The following ATF7IP variants were observed in gnomAD, a reference collection of about 807,000 sequenced individuals.
The protein encoded by ATF7IP is activating transcription factor 7-interacting protein 1.
ATF7IP carries 23 observed loss-of-function variants against 106.4 expected under a neutral mutation model. The observed-to-expected ratio is 0.22, with a 90% CI of 0.16 to 0.31. ATF7IP has a LOEUF of 0.31. ATF7IP is among the 10% of genes least tolerant of loss of function. ATF7IP has a pLI of 1.00. For synonymous variants in ATF7IP, 542 were observed against 539.0 expected, an observed-to-expected ratio of 1.01 and a Z score of -0.08; for missense variants, 1,334 against 1,524.3, an observed-to-expected ratio of 0.88 and a Z score of 2.08.
At chr12:14,472,869 A>AC (rs1421064376) in intron 10 of ATF7IP, among the ~76,000 whole-genome samples, 5 of 152,162 alleles carry the variant, frequency 3.3e-5, no homozygotes, top group Admixed American at 2.0e-4. Context: ...AAAATGAAAT[A>AC]CCTGAGACTC....
intron 1 of ATF7IP, among the ~76,000 whole-genome samples, 179 bp downstream of exon 1, chr12:14,366,006 A>G (rs1016978019): frequency 6.6e-6 from 1 of 152,130 alleles, no homozygotes; most frequent in Non-Finnish European, 1.5e-5. Flanking sequence ...CTCTAGCTGC[A>G]GTTGTGCAGC....
intron 3 of ATF7IP, 152 bp downstream of exon 3, chr12:14,434,575 G>T: frequency 8.6e-6 from 5 of 578,040 alleles, no homozygotes; most frequent in Non-Finnish European, 1.5e-5. Context: ...GCTAACTGAA[G>T]GATTTCTGAA....
intron 13 of ATF7IP, among the ~76,000 whole-genome samples, chr12:14,494,329 A>ATATATATATG (rs1944934531): frequency 2.1e-5 from 2 of 93,036 alleles, no homozygotes; most frequent in Non-Finnish European, 4.1e-5. Flanking sequence ...ATATATATAT[A>ATATATATATG]TATATGTGTG....
At chr12:14,391,169 G>A (rs1458645690) in intron 1 of ATF7IP, among the ~76,000 whole-genome samples, 1 of 152,178 alleles carries the variant, frequency 6.6e-6, no homozygotes, top group Admixed American at 6.5e-5. Flanking sequence ...CTCTGTTGGT[G>A]ATATGTAACA....
rs963095580 is a variant in ATF7IP, at chr12:14,439,312, A to G, written c.1929+1045A>G. ...TTTGCAAATGAAGGAAAAGTGGCCC[A>G]TGGAAGTCAAATCACTTTTTCCGTT... On this transcript the variant is annotated intron_variant, in intron 5 of 14. Transcript: ENST00000261168. Among the ~76,000 whole-genome samples, 5 of 152,226 alleles carry G rather than the reference A, an allele frequency of 3.3e-5. No individual in the cohort carries two copies. The East Asian group carries it at 9.6e-4, about 29-fold the overall frequency.
chr12:14,442,820 A>G (rs989410121), intron 5 of ATF7IP, among the ~76,000 whole-genome samples: 1 of 152,206 alleles, frequency 6.6e-6, no homozygotes, highest in Non-Finnish European at 1.5e-5. Flanking sequence ...GAACGTTTTT[A>G]TGTTAACAAC....
intron 1 of ATF7IP, among the ~76,000 whole-genome samples, chr12:14,387,848 T>C (rs1266309256): frequency 6.6e-6 from 1 of 152,198 alleles, no homozygotes; most frequent in African/African-American, 2.4e-5. Context: ...TTCTCCCCTT[T>C]TGTTTACCCT....
chr12:14,460,413 A>G, intron 8 of ATF7IP, 82 bp from the exon 9 acceptor site: 1 of 1,357,790 alleles, frequency 7.4e-7, no homozygotes, highest in Non-Finnish European at 1.0e-6. Context: ...TACGCAATGT[A>G]TTTAATTTGT....
intron 1 of ATF7IP, among the ~76,000 whole-genome samples, chr12:14,401,972 A>T (rs546921647): frequency 6.6e-6 from 1 of 151,696 alleles, no homozygotes; most frequent in Non-Finnish European, 1.5e-5. Context: ...TCGGCCTCCA[A>T]AAGTGCTGGG....
At chr12:14,491,244 G>C (rs1016632010) in intron 13 of ATF7IP, among the ~76,000 whole-genome samples, 17 of 152,154 alleles carry the variant, frequency 1.1e-4, no homozygotes, top group African/African-American at 3.9e-4. Flanking sequence ...TGATAAATGG[G>C]CTGGAGTAAC....
chr12:14,482,665 T>C (rs979760663), intron 13 of ATF7IP: 1 of 152,162 alleles, frequency 6.6e-6, no homozygotes, highest in African/African-American at 2.4e-5. Context: ...GCCCACTGAC[T>C]CAAATGTTAA....
intron 5 of ATF7IP, among the ~76,000 whole-genome samples, chr12:14,445,521 G>A (rs1379744662): frequency 6.6e-6 from 1 of 152,056 alleles, no homozygotes; most frequent in East Asian, 1.9e-4. Flanking sequence ...AGTTATTTGA[G>A]ATATTTTAGT....
In ATF7IP at chr12:14,439,566, C is replaced by T. The variant is rs144505135; in HGVS notation, c.1929+1299C>T. ...AAGTTTTTGGCTGGGCATAGTGGCTCACGCCTGTGAGCTCAGCACTTTAGG... is the reference window on the plus strand; with the variant it reads ...AAGTTTTTGGCTGGGCATAGTGGCTTACGCCTGTGAGCTCAGCACTTTAGG... On this transcript the variant is annotated intron_variant, in intron 5 of 14. Transcript: ENST00000261168. 2.6e-5 allele frequency among the ~76,000 whole-genome samples: 4 copies of T among 152,274 alleles called. No homozygotes were observed. In the East Asian group the frequency reaches 7.7e-4, roughly 29 times the overall value.
chr12:14,438,164 C>A lies in ATF7IP; in HGVS notation c.1826C>A (p.Ala609Glu). 2 of 1,613,102 alleles carry A rather than the reference C, an allele frequency of 1.2e-6. No homozygotes were observed. The highest frequency in any genetic ancestry group is 1.7e-6 in the Non-Finnish European group (2 of 1,179,840). The change falls in exon 5 of 15, where the codon GCG (alanine) becomes GAG (glutamate). Residue 609 changes from alanine to glutamate, a missense_variant. Coordinates refer to ENST00000261168, the MANE Select transcript of ATF7IP (RefSeq NM_018179.5). ...IQWLLEEKLC[A>E]LQCAVFDKTL... ...TGGTTGCTGGAAGAAAAATTGTGTG[C>A]GCTGCAGTGTGCTGTATTTGATAAG...
At position 14,446,152 on chromosome 12, in the gene ATF7IP, T is replaced by G. The variant is rs188605284; in HGVS notation, c.1930-836T>G. ...AAGGTAATGGGTTTTTTGTTTGTTT[T>G]TTGTTTTTTTTTTGAGACAGAGTCT... On this transcript the variant is annotated intron_variant, in intron 5 of 14. Transcript: ENST00000261168. Among the ~76,000 whole-genome samples, 6 of 151,606 alleles carry G rather than the reference T, an allele frequency of 4.0e-5. No homozygotes were observed. In the East Asian group the frequency reaches 1.2e-3, roughly 29 times the overall value.
chr12:14,500,441 G>C lies in ATF7IP; in HGVS notation c.*2368G>C, dbSNP rs535854175. The C allele has an allele frequency of 3.3e-5, 5 of 152,086 alleles. No homozygotes were observed. The South Asian group carries it at 1.0e-3, about 32-fold the overall frequency. 9.4% of individuals were successfully genotyped at this position (152,086 alleles called of 1,614,324 possible). Reference sequence around the variant, plus strand: ...AGATATTACTCATTCTAGGACTAATGATGATGGTAAAGAAGTTGCCAGTGT... The same window carrying C: ...AGATATTACTCATTCTAGGACTAATCATGATGGTAAAGAAGTTGCCAGTGT... On this transcript the variant is annotated 3_prime_UTR_variant, in exon 15 of 15. Coordinates refer to ENST00000261168, the MANE Select transcript of ATF7IP (RefSeq NM_018179.5).
chr12:14,368,090 G>T (rs942660279), intron 1 of ATF7IP, among the ~76,000 whole-genome samples: 1 of 151,966 alleles, frequency 6.6e-6, no homozygotes, highest in African/African-American at 2.4e-5. Flanking sequence ...ATTAGGTTTT[G>T]CATATGTGAT....
At chr12:14,461,235 A>G in intron 9 of ATF7IP, 102 bp downstream of exon 9, 1 of 1,038,560 alleles carries the variant, frequency 9.6e-7, no homozygotes, top group Non-Finnish European at 1.4e-6. Context: ...TTGGAAGTAC[A>G]AAATAAATAG....
intron 5 of ATF7IP, among the ~76,000 whole-genome samples, chr12:14,442,102 T>TA (rs1294617114): frequency 6.6e-6 from 1 of 152,210 alleles, no homozygotes; most frequent in Non-Finnish European, 1.5e-5. Context: ...CTTTCTCCAT[T>TA]ACTGCCTTGT....
Sources: gnomAD v4.1 joint callset for allele counts (sites outside exome capture counted in the v4.1 genomes callset) on GRCh38, gnomAD v4.1.1 for gene constraint, MANE v1.5 for transcripts, NCBI Gene and HGNC (gene_info 2026-07-23, HGNC 2026-07-21) for gene names.